The following MAP3K9 variants were observed in gnomAD, a reference collection of about 807,000 sequenced individuals.
MAP3K9 encodes mitogen-activated protein kinase kinase kinase 9.
MAP3K9 carries 46 observed loss-of-function variants against 95.8 expected under a neutral mutation model. The ratio of observed to expected loss-of-function variants is 0.48; its 90% confidence interval spans 0.38 to 0.61. The LOEUF is 0.61. MAP3K9 is among the 20% of genes least tolerant of loss of function. The pLI is 0.00. For missense variants in MAP3K9, 1,296 were observed against 1,474.3 expected, an observed-to-expected ratio of 0.88 and a Z score of 1.98; for synonymous variants, 533 against 593.8, an observed-to-expected ratio of 0.90 and a Z score of 1.49.
At chr14:70,761,803 C>G (rs909774156) in intron 2 of MAP3K9, among the ~76,000 whole-genome samples, 6 of 152,094 alleles carry the variant, frequency 3.9e-5, no homozygotes, top group African/African-American at 1.2e-4. Context: ...TCAAAGTGAA[C>G]AATTTAGTGA....
chr14:70,809,359 G>A lies in MAP3K9; in HGVS notation c.-188C>T, dbSNP rs2055041284. 3 of 683,178 alleles carry A rather than the reference G, an allele frequency of 4.4e-6. No individual in the cohort carries two copies. Among genetic ancestry groups the A allele is most frequent in the Non-Finnish European group, 6.1e-6 (3 of 488,776 alleles). 42.3% of individuals were successfully genotyped at this position (683,178 alleles called of 1,614,324 possible). On this transcript the variant is annotated 5_prime_UTR_variant, in exon 1 of 12. Transcript: ENST00000554752. ...GTTACCGCGGTACGAGAAGAGCGCC[G>A]AGCGCGAGCTCTTCGCGCAGCCTAG...
intron 5 of MAP3K9, 21 bp from the exon 6 acceptor site, chr14:70,742,612 T>C (rs901066536): frequency 1.2e-6 from 2 of 1,611,208 alleles, no homozygotes; most frequent in African/African-American, 2.7e-5. Flanking sequence ...GGCAGAACCA[T>C]CAGAGAAAAG....
Position 70,808,194 on chromosome 14 carries a change from A to G in MAP3K9, c.406+572T>C, listed in dbSNP as rs754434500. 2.0e-5 allele frequency among the ~76,000 whole-genome samples: 3 copies of G among 152,340 alleles called. No individual in the cohort carries two copies. The East Asian group carries it at 5.8e-4, about 29-fold the overall frequency. ...AGGTACAACTTCTGAGATATAAGAA[A>G]TAGGATCCAAGAAATCAACCCGACA... On this transcript the variant is annotated intron_variant, in intron 1 of 11. Coordinates refer to ENST00000554752, the MANE Select transcript of MAP3K9 (RefSeq NM_001284230.2).
chr14:70,769,014 TAGG>T (rs1396774196), intron 2 of MAP3K9, among the ~76,000 whole-genome samples: 4 of 152,202 alleles, frequency 2.6e-5, no homozygotes, highest in African/African-American at 9.7e-5. Context: ...ATTATACACA[TAGG>T]AGAGTACATT....
At chr14:70,732,474 T>C (rs978691182) in intron 11 of MAP3K9, 65 bp downstream of exon 11, 5 of 1,493,850 alleles carry the variant, frequency 3.3e-6, no homozygotes, top group Non-Finnish European at 4.5e-6. Flanking sequence ...AAATGAGGCC[T>C]GCAAACATCT....
intron 3 of MAP3K9, among the ~76,000 whole-genome samples, chr14:70,759,622 C>A (rs2054343154): frequency 6.6e-6 from 1 of 152,202 alleles, no homozygotes; most frequent in Non-Finnish European, 1.5e-5. Flanking sequence ...CTTCTGGCCT[C>A]AGGAACTATA....
intron 10 of MAP3K9, chr14:70,733,661 G>A: frequency 1.4e-6 from 1 of 712,070 alleles, no homozygotes; most frequent in Non-Finnish European, 2.6e-6. Flanking sequence ...AGGGATGCCT[G>A]CATGGCTGGT....
chr14:70,742,752 T>C (rs1170232063), intron 5 of MAP3K9, among the ~76,000 whole-genome samples, 161 bp from the exon 6 acceptor site: 1 of 151,808 alleles, frequency 6.6e-6, no homozygotes, highest in East Asian at 1.9e-4. Flanking sequence ...AAATGAACAT[T>C]AGACCACCTT....
In MAP3K9 at chr14:70,730,455, G is replaced by A. The variant is rs73282807; in HGVS notation, c.3240C>T (p.Thr1080=). 1.6e-3 allele frequency: 2,658 copies of A among 1,614,178 alleles called. 42 individuals are homozygous for A. The African/African-American group carries it at 0.03, about 18-fold the overall frequency. The change falls in exon 12 of 12, where the codon ACC becomes ACT. Residue 1080 remains threonine, a synonymous_variant. Coordinates refer to ENST00000554752, the MANE Select transcript of MAP3K9 (RefSeq NM_001284230.2). ...LDAEGQSQDS[T]VPLCRAELNT... is the part of the protein sequence containing the mutation. The stretch of plus-strand genomic sequence containing the variant: ...TCAGTTCCGCTCTGCACAGCGGCAC[G>A]GTGCTGTCCTGACTCTGCCCCTCTG...
At chr14:70,764,084 G>A (rs962704132) in intron 2 of MAP3K9, among the ~76,000 whole-genome samples, 2 of 141,880 alleles carry the variant, frequency 1.4e-5, no homozygotes, top group Non-Finnish European at 3.0e-5. Context: ...TACTCGGGAG[G>A]CTGAGGCAGG....
At chr14:70,782,169 C>G (rs1159390959) in intron 2 of MAP3K9, among the ~76,000 whole-genome samples, 1 of 152,130 alleles carries the variant, frequency 6.6e-6, no homozygotes, top group Non-Finnish European at 1.5e-5. Context: ...TCACACTGTT[C>G]TGGTTGTTTA....
At chr14:70,770,636 A>C (rs1413511228) in intron 2 of MAP3K9, among the ~76,000 whole-genome samples, 1 of 152,210 alleles carries the variant, frequency 6.6e-6, no homozygotes, top group African/African-American at 2.4e-5. Flanking sequence ...GACAGCCAAG[A>C]GCAGATACAA....
In MAP3K9 at chr14:70,730,253, A is replaced by G; in HGVS notation, c.*127T>C. The stretch of plus-strand genomic sequence containing the variant: ...CCCTGTTTCCATCCCTTCCATCTTC[A>G]AAGTGCATTATCAGTGCAAGAAGTA... On this transcript the variant is annotated 3_prime_UTR_variant, in exon 12 of 12. Transcript: ENST00000554752. 1 of 1,373,044 alleles carries G rather than the reference A, an allele frequency of 7.3e-7. No homozygotes were observed. Among genetic ancestry groups the G allele is most frequent in the South Asian group, 1.4e-5 (1 of 69,220 alleles). 85.1% of individuals were successfully genotyped at this position (1,373,044 alleles called of 1,614,324 possible).
intron 2 of MAP3K9, among the ~76,000 whole-genome samples, chr14:70,779,613 A>G (rs1039160672): frequency 4.6e-5 from 7 of 152,184 alleles, no homozygotes; most frequent in Admixed American, 2.0e-4. Context: ...TCCTACCTCT[A>G]GGCTAACATT....
chr14:70,793,905 G>C (rs1235199240), intron 2 of MAP3K9, among the ~76,000 whole-genome samples: 1 of 152,204 alleles, frequency 6.6e-6, no homozygotes, highest in Non-Finnish European at 1.5e-5. Context: ...GACTCACCCT[G>C]GCTGGATGGC....
At chr14:70,758,944 A>T (rs973470682) in intron 3 of MAP3K9, among the ~76,000 whole-genome samples, 6 of 152,154 alleles carry the variant, frequency 3.9e-5, no homozygotes, top group Non-Finnish European at 8.8e-5. Context: ...GTATTACAAC[A>T]TGGATGAATC....
intron 2 of MAP3K9, among the ~76,000 whole-genome samples, chr14:70,796,540 G>C (rs1003128441): frequency 5.3e-5 from 8 of 152,142 alleles, no homozygotes; most frequent in African/African-American, 1.9e-4. Flanking sequence ...TCTCAGCTGG[G>C]TTCAATGACA....
intron 7 of MAP3K9, among the ~76,000 whole-genome samples, chr14:70,738,927 T>C (rs1355011563): frequency 2.0e-5 from 3 of 152,198 alleles, no homozygotes; most frequent in Non-Finnish European, 2.9e-5. Flanking sequence ...CATTAATACC[T>C]TGGAGCAAGG....
intron 2 of MAP3K9, among the ~76,000 whole-genome samples, chr14:70,767,472 C>T (rs1421594323): frequency 6.6e-6 from 1 of 151,126 alleles, no homozygotes; most frequent in African/African-American, 2.4e-5. Flanking sequence ...TCAAACTATC[C>T]ACTTTCCCAT....
Sources: allele counts gnomAD v4.1 joint callset (sites outside exome capture counted in the v4.1 genomes callset), GRCh38; gene constraint gnomAD v4.1.1; transcripts MANE v1.5; gene names NCBI Gene and HGNC (gene_info 2026-07-23, HGNC 2026-07-21).